Variants in PLCB1 observed in about 807,000 individuals in gnomAD.
PLCB1 encodes phospholipase C beta 1, also known as 1-phosphatidylinositol 4,5-bisphosphate phosphodiesterase beta-1.
Under a neutral mutation model 161.8 loss-of-function variants are expected in PLCB1, and 46 were observed. The ratio of observed to expected loss-of-function variants is 0.28; its 90% confidence interval spans 0.22 to 0.36. The LOEUF is 0.36. PLCB1 is among the 10% of genes least tolerant of loss of function. The pLI is 1.00. For synonymous variants in PLCB1, 517 were observed against 503.7 expected, an observed-to-expected ratio of 1.03 and a Z score of -0.35; for missense variants, 1,016 against 1,472.5, an observed-to-expected ratio of 0.69 and a Z score of 5.07.
At chr20:8,874,779 A>G (rs1204851369) in intron 31 of PLCB1, among the ~76,000 whole-genome samples, 1 of 152,028 alleles carries the variant, frequency 6.6e-6, no homozygotes, top group Non-Finnish European at 1.5e-5. Context: ...TGCTAAATCA[A>G]TGCTATTTTT....
intron 14 of PLCB1, among the ~76,000 whole-genome samples, chr20:8,721,756 C>T (rs1366395960): frequency 6.6e-6 from 1 of 152,148 alleles, no homozygotes; most frequent in Non-Finnish European, 1.5e-5. Context: ...TGGCCCTTCA[C>T]GATTTTTATG....
chr20:8,147,434 A>G (rs1568569643), intron 1 of PLCB1, among the ~76,000 whole-genome samples: 1 of 152,208 alleles, frequency 6.6e-6, no homozygotes, highest in Non-Finnish European at 1.5e-5. Flanking sequence ...TCCTTTGTCA[A>G]TGAAGGATGG....
At chr20:8,675,581 CT>C (rs1158556143) in intron 9 of PLCB1, among the ~76,000 whole-genome samples, 3 of 152,282 alleles carry the variant, frequency 2.0e-5, no homozygotes, top group African/African-American at 7.2e-5. Flanking sequence ...TAAGATCTGA[CT>C]TTTAAACTTA....
At chr20:8,828,649 G>C (rs1365632932) in intron 31 of PLCB1, among the ~76,000 whole-genome samples, 1 of 152,160 alleles carries the variant, frequency 6.6e-6, no homozygotes, top group Non-Finnish European at 1.5e-5. Flanking sequence ...AACTAGGATT[G>C]TGTCTTCTCT....
chr20:8,694,447 C>T (rs1464252330), intron 10 of PLCB1, among the ~76,000 whole-genome samples: 2 of 152,174 alleles, frequency 1.3e-5, no homozygotes, highest in Non-Finnish European at 2.9e-5. Flanking sequence ...TCCCCACATT[C>T]CTTTGCATCT....
At chr20:8,761,001 G>A (rs1271797397) in intron 25 of PLCB1, among the ~76,000 whole-genome samples, 2 of 152,146 alleles carry the variant, frequency 1.3e-5, no homozygotes, top group Non-Finnish European at 2.9e-5. Context: ...CAACAGAAAT[G>A]TACACACACG....
chr20:8,704,421 G>A (rs1374870851), intron 11 of PLCB1, among the ~76,000 whole-genome samples: 6 of 152,012 alleles, frequency 3.9e-5, no homozygotes, highest in Non-Finnish European at 7.4e-5. Context: ...TGTATTTGCA[G>A]GACTTTTGTA....
intron 19 of PLCB1, among the ~76,000 whole-genome samples, chr20:8,736,008 C>A (rs1221579144): frequency 6.6e-6 from 1 of 152,208 alleles, no homozygotes; most frequent in African/African-American, 2.4e-5. Context: ...AGCCATAATT[C>A]TGTCCCCTTT....
At chr20:8,467,482 A>G (rs1157142906) in intron 3 of PLCB1, among the ~76,000 whole-genome samples, 1 of 152,158 alleles carries the variant, frequency 6.6e-6, no homozygotes, top group Non-Finnish European at 1.5e-5. Flanking sequence ...CATCCTTGAT[A>G]CCTTGCTAAC....
intron 3 of PLCB1, among the ~76,000 whole-genome samples, chr20:8,572,809 G>A (rs1021759770): frequency 6.6e-5 from 10 of 152,164 alleles, no homozygotes; most frequent in African/African-American, 2.4e-4. Flanking sequence ...CTGTGTGACT[G>A]CAGAGGCCTC....
intron 9 of PLCB1, among the ~76,000 whole-genome samples, chr20:8,662,060 T>A (rs190095155): frequency 0.22 from 737 of 3,408 alleles, 5 homozygotes; most frequent in Non-Finnish European, 0.42. Context: ...TAATTATATA[T>A]TTATTATATT....
At chr20:8,809,290 G>A (rs1984695814) in intron 31 of PLCB1, among the ~76,000 whole-genome samples, 1 of 152,130 alleles carries the variant, frequency 6.6e-6, no homozygotes, top group Admixed American at 6.5e-5. Flanking sequence ...TTACAGGCAT[G>A]AGCCACCATG....
chr20:8,697,284 TA>T (rs1990604276), intron 10 of PLCB1, among the ~76,000 whole-genome samples: 1 of 152,202 alleles, frequency 6.6e-6, no homozygotes. Context: ...GTGAAATGGG[TA>T]TTTTTTTATT....
rs2051306311 is a variant in PLCB1, at chr20:8,132,808, G to A, written c.99+58G>A. 5 of 1,253,494 alleles carry A rather than the reference G, an allele frequency of 4.0e-6. No homozygotes were observed. The African/African-American group carries it at 4.4e-5, about 11-fold the overall frequency. 77.6% of individuals were successfully genotyped at this position (1,253,494 alleles called of 1,614,324 possible). ...GGCTCGGGCACCGGGCAGGGCGGGC[G>A]TCGTGGGGGTGGGGCAAGGGGCGCG... On this transcript the variant is annotated intron_variant, in intron 1 of 31. Coordinates refer to ENST00000338037, the MANE Select transcript of PLCB1 (RefSeq NM_015192.4). The surrounding 1 kb of genome is among the most constrained non-coding windows in gnomAD (Gnocchi z 5.2).
At position 8,672,710 on chromosome 20, in the gene PLCB1, A is replaced by C. The variant is rs568246315; in HGVS notation, c.863-12222A>C. Among the ~76,000 whole-genome samples the C allele has an allele frequency of 9.9e-5, 15 of 152,272 alleles. No individual in the cohort carries two copies. The East Asian group carries it at 2.5e-3, about 25-fold the overall frequency. On this transcript the variant is annotated intron_variant, in intron 9 of 31. Transcript: ENST00000338037. ...GTACTTTTTTCTTGCCCTGATTCAC[A>C]GAGCTCATGCAAAGTGTAATGAGAG...
intron 23 of PLCB1, among the ~76,000 whole-genome samples, chr20:8,746,388 T>TATTAGGAA: frequency 6.6e-6 from 1 of 152,212 alleles, no homozygotes; most frequent in South Asian, 2.1e-4. Flanking sequence ...TAGGAAATAT[T>TATTAGGAA]ATGTGATAAT....
At chr20:8,235,133 A>T (rs556265309) in intron 2 of PLCB1, among the ~76,000 whole-genome samples, 1 of 152,142 alleles carries the variant, frequency 6.6e-6, no homozygotes, top group Admixed American at 6.6e-5. Flanking sequence ...ATATGTGGCT[A>T]TCTTTCAAAG....
intron 4 of PLCB1, among the ~76,000 whole-genome samples, chr20:8,636,919 C>T (rs941497200): frequency 3.3e-5 from 5 of 151,986 alleles, no homozygotes; most frequent in African/African-American, 1.2e-4. Flanking sequence ...ATTGCAGAGA[C>T]AAGCTACTCT....
chr20:8,820,411 CA>C (rs2146263132), intron 31 of PLCB1, among the ~76,000 whole-genome samples: 1 of 152,076 alleles, frequency 6.6e-6, no homozygotes, highest in African/African-American at 2.4e-5. Flanking sequence ...CAAAGAAATG[CA>C]CATTGAAACC....
Sources: gnomAD v4.1 joint callset for allele counts (sites outside exome capture counted in the v4.1 genomes callset) on GRCh38, gnomAD v4.1.1 for gene constraint, Gnocchi (gnomAD v3.1) non-coding constraint, MANE v1.5 for transcripts, NCBI Gene and HGNC (gene_info 2026-07-23, HGNC 2026-07-21) for gene names.